LONP2: variants seen among roughly 807,000 people sequenced by gnomAD.
LONP2 encodes the protein lon protease homolog 2, peroxisomal.
LONP2 carries 60 observed loss-of-function variants against 85.6 expected under a neutral mutation model. The observed-to-expected ratio is 0.70, with a 90% confidence interval of 0.57 to 0.87. LONP2 has a LOEUF of 0.87. Ranked by LOEUF, LONP2 falls within the 40% of genes least tolerant of loss-of-function variation. The probability of loss-of-function intolerance (pLI) is 0.00; values close to 1 mark genes in which losing one functional copy is unlikely to be tolerated. For synonymous variants in LONP2, 395 were observed against 389.7 expected (o/e 1.01, Z -0.16); for missense variants, 860 against 1,063.5 (o/e 0.81, Z 2.66).
intron 8 of LONP2, among the ~76,000 whole-genome samples, chr16:48,291,577 A>C (rs1972557545): frequency 2.0e-5 from 3 of 152,228 alleles, no homozygotes; most frequent in Admixed American, 6.5e-5. Flanking sequence ...CTTTGTAGGT[A>C]GGAATTATAG....
downstream of LONP2, chr16:48,362,300 G>A (rs899635154): frequency 1.9e-6 from 3 of 1,614,170 alleles, no homozygotes; most frequent in Non-Finnish European, 2.5e-6. This position sits in a 1 kb window ranked among gnomAD's most constrained non-coding sequence, Gnocchi z 4.2. Context: ...AGTCAAAGCA[G>A]ACTGGACACT....
chr16:48,318,704 G>A (rs1201848723), intron 11 of LONP2, among the ~76,000 whole-genome samples: 1 of 152,214 alleles, frequency 6.6e-6, no homozygotes, highest in Non-Finnish European at 1.5e-5. Flanking sequence ...GGGTCAGAGT[G>A]TCACAGAGGA....
In LONP2 at chr16:48,305,886, A is replaced by G. The variant is rs145616534; in HGVS notation, c.1795+2581A>G. 3.4e-3 allele frequency among the ~76,000 whole-genome samples: 517 copies of G among 152,242 alleles called. 2 individuals carry two copies. The highest frequency in any genetic ancestry group is 0.012 in the African/African-American group (495 of 41,532). ...TTTTTATTTCTTAATTGTCATTTTA[A>G]TACTATTCAGACAGGAAGTAAAAAC... On this transcript the variant is annotated intron_variant, in intron 11 of 14. Coordinates refer to ENST00000285737, the MANE Select transcript of LONP2 (RefSeq NM_031490.5).
intron 11 of LONP2, among the ~76,000 whole-genome samples, chr16:48,304,564 C>A (rs967447541): frequency 6.6e-6 from 1 of 151,960 alleles, no homozygotes; most frequent in African/African-American, 2.4e-5. Flanking sequence ...ATTAGCCAGG[C>A]GTGGTGTTGG....
chr16:48,258,645 C>T lies in LONP2; in HGVS notation c.628C>T (p.Arg210Trp). The T allele has an allele frequency of 2.5e-6, 4 of 1,602,530 alleles. No homozygotes were observed. Among genetic ancestry groups the T allele is most frequent in the Non-Finnish European group, 3.4e-6 (4 of 1,175,222 alleles). The change falls in exon 4 of 15, where the codon CGG (arginine) becomes TGG (tryptophan). Residue 210 changes from arginine to tryptophan, a missense_variant. This residue lies in a region of LONP2 where 743 missense variants were observed against 917.3 expected (regional missense o/e 0.81). Transcript: ENST00000285737. ...TTTAGATGCTGTGAGCCTAGAGGAG[C>T]GGTTCAAGATGACTATACCACTGCT... The part of the protein sequence containing the change: ...QILDAVSLEE[R>W]FKMTIPLLVR...
intron 11 of LONP2, among the ~76,000 whole-genome samples, chr16:48,321,928 A>AT (rs1177750857): frequency 6.7e-6 from 1 of 150,184 alleles, no homozygotes; most frequent in African/African-American, 2.5e-5. Flanking sequence ...CTTAGCCTGT[A>AT]TTTTTTAATT....
Position 48,299,645 on chromosome 16 carries a change from G to A in LONP2, c.1535-17G>A. 1 of 1,590,910 alleles carries A rather than the reference G, an allele frequency of 6.3e-7. No individual in the cohort carries two copies. The highest frequency in any genetic ancestry group is 8.5e-7 in the Non-Finnish European group (1 of 1,173,178). Reference sequence around the variant, plus strand: ...AGCCATGTAAATAATTACAAAACAAGATCTCTTCTTTTCCAGGTTATACAC... The same window carrying A: ...AGCCATGTAAATAATTACAAAACAAAATCTCTTCTTTTCCAGGTTATACAC... On this transcript the variant is annotated splice_polypyrimidine_tract_variant and intron_variant, in intron 9 of 14. Transcript: ENST00000285737.
chr16:48,279,775 T>C (rs1972288354), intron 8 of LONP2, among the ~76,000 whole-genome samples: 1 of 152,230 alleles, frequency 6.6e-6, no homozygotes, highest in Non-Finnish European at 1.5e-5. Flanking sequence ...TTAATGCAAA[T>C]TGATTTGTAA....
At chr16:48,321,718 G>A (rs1973268914) in intron 11 of LONP2, among the ~76,000 whole-genome samples, 1 of 152,084 alleles carries the variant, frequency 6.6e-6, no homozygotes, top group Admixed American at 6.5e-5. Context: ...AGTGGTATTT[G>A]TATATCTAAA....
At chr16:48,245,561 C>T (rs904527235) in intron 1 of LONP2, among the ~76,000 whole-genome samples, 6 of 152,136 alleles carry the variant, frequency 3.9e-5, no homozygotes, top group East Asian at 1.9e-4. Flanking sequence ...TGGTTTGCTG[C>T]GATTGTCTGT....
chr16:48,255,595 A>T (rs915785559), intron 2 of LONP2, among the ~76,000 whole-genome samples: 1 of 152,148 alleles, frequency 6.6e-6, no homozygotes. Context: ...GTCCAAATTG[A>T]TATGGTTTGG....
At chr16:48,278,259 T>A (rs973985205) in intron 8 of LONP2, among the ~76,000 whole-genome samples, 1 of 152,184 alleles carries the variant, frequency 6.6e-6, no homozygotes, top group African/African-American at 2.4e-5. Flanking sequence ...CTTCAGACAC[T>A]TTAGGTGTTC....
intron 11 of LONP2, among the ~76,000 whole-genome samples, chr16:48,324,754 G>A (rs1233177973): frequency 6.6e-6 from 1 of 151,978 alleles, no homozygotes; most frequent in Non-Finnish European, 1.5e-5. Flanking sequence ...TATCCAATCT[G>A]ACTTTCATTT....
At position 48,252,215 on chromosome 16, in the gene LONP2, C is replaced by G. The variant is rs1971668218; in HGVS notation, c.318C>G (p.Cys106Trp). The G allele has an allele frequency of 6.2e-7, 1 of 1,614,096 alleles. No homozygotes were observed. Among genetic ancestry groups the G allele is most frequent in the Non-Finnish European group, 8.5e-7 (1 of 1,179,954 alleles). Residue 106 changes from cysteine to tryptophan, a missense_variant, in exon 2 of 15, where the codon TGC (cysteine) becomes TGG (tryptophan). Physicochemically the swap from Cys to Trp is radical, Grantham distance 215. This residue lies in a region of LONP2 where 743 missense variants were observed against 917.3 expected (regional missense o/e 0.81). Transcript: ENST00000285737. ...PHYTLLITGL[C>W]RFQIVQVLKE... The stretch of plus-strand genomic sequence containing the variant: ...ACACTCTGTTGATTACAGGCCTATG[C>G]CGTTTCCAGATTGTACAGGTCTTAA...
chr16:48,246,812 C>T (rs1333771160), intron 1 of LONP2, among the ~76,000 whole-genome samples: 2 of 152,082 alleles, frequency 1.3e-5, no homozygotes, highest in African/African-American at 4.8e-5. Context: ...TGGACTCAAG[C>T]TATCCCCTGC....
intron 11 of LONP2, among the ~76,000 whole-genome samples, chr16:48,304,236 T>C (rs1336492235): frequency 1.3e-5 from 2 of 152,246 alleles, no homozygotes; most frequent in Admixed American, 1.3e-4. Context: ...GTTCAGGTAC[T>C]GCAAGGACAG....
At chr16:48,303,768 A>T (rs1972857039) in intron 11 of LONP2, among the ~76,000 whole-genome samples, 1 of 152,192 alleles carries the variant, frequency 6.6e-6, no homozygotes, top group Non-Finnish European at 1.5e-5. Flanking sequence ...AGCCCCCAGC[A>T]AACCACTGGC....
At chr16:48,257,461 T>G (rs1971783974) in intron 3 of LONP2, among the ~76,000 whole-genome samples, 1 of 152,190 alleles carries the variant, frequency 6.6e-6, no homozygotes, top group Non-Finnish European at 1.5e-5. Context: ...ACACCTATGA[T>G]GCATTACTTA....
At chr16:48,278,035 G>C (rs5028073) in intron 8 of LONP2, among the ~76,000 whole-genome samples, 2 of 145,836 alleles carry the variant, frequency 1.4e-5, no homozygotes, top group Non-Finnish European at 3.0e-5. Flanking sequence ...TTGTTTTTTT[G>C]TTGTTTTTTT....
Sources: gnomAD v4.1 joint callset for allele counts (sites outside exome capture counted in the v4.1 genomes callset) on GRCh38, gnomAD v4.1.1 for gene constraint, gnomAD v4.1.1 regional missense constraint, Gnocchi (gnomAD v3.1) non-coding constraint, MANE v1.5 for transcripts, NCBI Gene and HGNC (gene_info 2026-07-23, HGNC 2026-07-21) for gene names.